The following ZNF429 variants were observed in gnomAD, a reference collection of about 807,000 sequenced individuals.
The protein encoded by ZNF429 is zinc finger protein 429.
ZNF429 carries 53 observed loss-of-function variants against 56.8 expected under a neutral mutation model. The observed-to-expected ratio is 0.93, with a 90% CI of 0.75 to 1.17. The LOEUF (loss-of-function observed/expected upper bound fraction) is 1.17, where lower values mean the gene tolerates loss of function less well. ZNF429 is among the 50% of genes most tolerant of loss of function. The pLI, the probability that ZNF429 is intolerant of heterozygous loss-of-function variation, is 0.00. For synonymous variants in ZNF429, 278 were observed against 264.7 expected (o/e 1.05, Z -0.49); for missense variants, 849 against 788.4 (o/e 1.08, Z -0.92).
chr19:21,515,365 G>A (rs1004533518), intron 1 of ZNF429, among the ~76,000 whole-genome samples: 2 of 150,916 alleles, frequency 1.3e-5, no homozygotes, highest in South Asian at 2.1e-4. Flanking sequence ...CTCATCAAAT[G>A]CTTGTTAGCC....
intron 1 of ZNF429, among the ~76,000 whole-genome samples, chr19:21,515,001 C>T (rs531074013): frequency 4.7e-5 from 7 of 149,204 alleles, no homozygotes; most frequent in South Asian, 2.1e-4. Context: ...AGTGCAGTGG[C>T]GTGATCCCCG....
chr19:21,511,673 G>A (rs964664516), intron 1 of ZNF429, among the ~76,000 whole-genome samples: 1 of 151,652 alleles, frequency 6.6e-6, no homozygotes, highest in South Asian at 2.1e-4. Context: ...CCCAGACGGG[G>A]TGGCGGCCGG....
rs369415854 is a variant in ZNF429, at chr19:21,536,714, A to C, written c.661A>C (p.Arg221=). The change falls in exon 4 of 4, where the codon AGA becomes CGA. Residue 221 remains arginine, a synonymous_variant. Coordinates refer to ENST00000358491, the MANE Select transcript of ZNF429 (RefSeq NM_001001415.4). ...GTCCTCAGCCCTTACTAACCATAAG[A>C]GAATTTATGTTGGTGAGAAACACTA... is the stretch of plus-strand genomic sequence containing the variant. The part of the protein sequence containing the change: ...NQSSALTNHK[R]IYVGEKHYRC... 13 of 1,613,972 alleles carry C rather than the reference A, an allele frequency of 8.1e-6. No homozygotes were observed. The highest frequency in any genetic ancestry group is 1.0e-5 in the Non-Finnish European group (12 of 1,180,022).
intron 1 of ZNF429, among the ~76,000 whole-genome samples, chr19:21,528,668 C>T (rs2033257322): frequency 6.6e-6 from 1 of 151,832 alleles, no homozygotes; most frequent in African/African-American, 2.4e-5. Context: ...TTGTGCCATT[C>T]CACTCCAGCC....
At chr19:21,507,226 A>C (rs2032220860) in intron 1 of ZNF429, among the ~76,000 whole-genome samples, 1 of 152,094 alleles carries the variant, frequency 6.6e-6, no homozygotes, top group African/African-American at 2.4e-5. Context: ...CACGCCCCCC[A>C]TTCCTCCAGC....
intron 1 of ZNF429, among the ~76,000 whole-genome samples, chr19:21,510,157 G>T (rs1187883987): frequency 6.6e-6 from 1 of 152,012 alleles, no homozygotes; most frequent in Admixed American, 6.6e-5. Flanking sequence ...GATGACAAGG[G>T]CTTTCTTTCA....
intron 3 of ZNF429, among the ~76,000 whole-genome samples, chr19:21,534,804 T>C: frequency 1.3e-5 from 2 of 150,418 alleles, no homozygotes; most frequent in Non-Finnish European, 3.0e-5. Flanking sequence ...TTTTTTTTTT[T>C]TGTTCGTTTG....
chr19:21,510,222 G>A (rs187492068), intron 1 of ZNF429, among the ~76,000 whole-genome samples: 3 of 152,192 alleles, frequency 2.0e-5, no homozygotes, highest in East Asian at 3.9e-4. Context: ...GCAAATGGAC[G>A]GTAAAAACAT....
At chr19:21,535,500 T>TTTC in intron 3 of ZNF429, among the ~76,000 whole-genome samples, 1 of 122,514 alleles carries the variant, frequency 8.2e-6, no homozygotes. Context: ...TTCTTTCTTC[T>TTTC]TTCTTTCTTT....
Position 21,537,025 on chromosome 19 carries a change from G to A in ZNF429, c.972G>A (p.Arg324=). The A allele has an allele frequency of 6.2e-7, 1 of 1,612,782 alleles. No homozygotes were observed. The highest frequency in any genetic ancestry group is 8.5e-7 in the Non-Finnish European group (1 of 1,179,748). The change falls in exon 4 of 4, where the codon CGG becomes CGA. Residue 324 remains arginine (R), a synonymous_variant. Coordinates refer to ENST00000358491, the MANE Select transcript of ZNF429 (RefSeq NM_001001415.4). ...KCKECGKAFN[R]SSTLTSHKRI... ...AAGAATGTGGCAAAGCCTTTAACCG[G>A]TCCTCAACCCTTACTAGCCATAAGA...
At position 21,539,528 on chromosome 19, in the gene ZNF429, TCTC is replaced by T. The variant is rs1477014184; in HGVS notation, c.*1453_*1455del. Among the ~76,000 whole-genome samples the T allele has an allele frequency of 6.6e-6, 1 of 152,002 alleles. No individual in the cohort carries two copies. The highest frequency in any genetic ancestry group is 1.5e-5 in the Non-Finnish European group (1 of 67,998). On this transcript the variant is annotated 3_prime_UTR_variant, in exon 4 of 4. Transcript: ENST00000358491. ...ACTTCGACCTTTGGGTTCAAGCAGT[TCTC>T]CTGCCACAGCCTCCTGAGTAGCTGG...
At position 21,535,438 on chromosome 19, in the gene ZNF429, TTC is replaced by T; in HGVS notation, c.227-840_227-839del. Among the ~76,000 whole-genome samples, 52 of 71,604 alleles carry T rather than the reference TTC, an allele frequency of 7.3e-4. 6 individuals carry two copies. Among genetic ancestry groups the T allele is most frequent in the East Asian group, 2.4e-3 (8 of 3,348 alleles). 47.0% of individuals were successfully genotyped at this position (71,604 alleles called of 152,430 possible). A position where few individuals can be genotyped will look rare whatever the true frequency, so the allele number is the denominator to read the frequency against. On this transcript the variant is annotated intron_variant, in intron 3 of 3. Transcript: ENST00000358491. ...TTTCTTTCTTTCTTTCTTTCTTTCT[TTC>T]TTTCTTTCTTTCTTTCTTTCTTTCT...
chr19:21,522,753 C>T (rs192136139), intron 1 of ZNF429, among the ~76,000 whole-genome samples: 95 of 152,136 alleles, frequency 6.2e-4, no homozygotes, highest in African/African-American at 2.2e-3. Context: ...AAAAATTAGC[C>T]GGGCATGATG....
Position 21,535,460 on chromosome 19 carries a change from C to CT in ZNF429, c.227-817dup. Among the ~76,000 whole-genome samples the CT allele has an allele frequency of 7.2e-4, 29 of 40,508 alleles. 2 individuals are homozygous for CT. The highest frequency in any genetic ancestry group is 1.1e-3 in the Admixed American group (4 of 3,542). The allele number at this position is 40,508 out of a possible 152,430, so 26.6% of individuals were successfully genotyped here. Reference sequence around the variant, plus strand: ...TCTTTCTTTCTTTCTTTCTTTCTTTCTTTCTTTCTTTCTTTCTTTCTTTCT... The same window carrying CT: ...TCTTTCTTTCTTTCTTTCTTTCTTTCTTTTCTTTCTTTCTTTCTTTCTTTCT... On this transcript the variant is annotated intron_variant, in intron 3 of 3. Coordinates refer to ENST00000358491, the MANE Select transcript of ZNF429 (RefSeq NM_001001415.4).
Position 21,537,338 on chromosome 19 carries a change from G to T in ZNF429, c.1285G>T (p.Glu429Ter), listed in dbSNP as rs1251326276. 1 of 1,613,900 alleles carries T rather than the reference G, an allele frequency of 6.2e-7. No individual in the cohort carries two copies. Among genetic ancestry groups the T allele is most frequent in the South Asian group, 1.1e-5 (1 of 91,068 alleles). Reference protein sequence around the residue: ...HTGEKPYNCEECGKVFTYSST... With the variant: ...HTGEKPYNCE ...TGGAGAGAAACCCTACAATTGTGAA[G>T]AATGTGGCAAAGTTTTTACCTATTC... is the stretch of plus-strand genomic sequence containing the variant. The change falls in exon 4 of 4, where the codon GAA (glutamate) becomes TAA (stop). Residue 429 changes from glutamate to a stop codon, truncating the protein, a stop_gained. Coordinates refer to ENST00000358491, the MANE Select transcript of ZNF429 (RefSeq NM_001001415.4). LOFTEE classifies it high-confidence loss of function.
intron 1 of ZNF429, among the ~76,000 whole-genome samples, chr19:21,527,865 A>G (rs185949550): frequency 1.7e-4 from 26 of 152,226 alleles, no homozygotes; most frequent in Admixed American, 1.7e-3. Context: ...AGAAGAATAA[A>G]TGGCGATTTT....
chr19:21,536,619 C>T lies in ZNF429; in HGVS notation c.566C>T (p.Thr189Ile), dbSNP rs1249995649. 3 of 1,613,568 alleles carry T rather than the reference C, an allele frequency of 1.9e-6. No individual in the cohort carries two copies. The highest frequency in any genetic ancestry group is 2.5e-6 in the Non-Finnish European group (3 of 1,179,860). ...GKSFCMLSQLTQHKKIHIREN... is the reference protein window; with the variant it reads ...GKSFCMLSQLIQHKKIHIREN... Reference sequence around the variant, plus strand: ...TCATTTTGCATGCTTTCACAACTAACTCAACATAAGAAAATTCATATTAGA... The same window carrying T: ...TCATTTTGCATGCTTTCACAACTAATTCAACATAAGAAAATTCATATTAGA... Residue 189 changes from threonine to isoleucine, a missense_variant, in exon 4 of 4, where the codon ACT becomes ATT. Thr to Ile is a moderately conservative substitution (Grantham distance 89). Transcript: ENST00000358491.
intron 1 of ZNF429, among the ~76,000 whole-genome samples, chr19:21,525,586 G>C (rs1180695797): frequency 1.3e-5 from 2 of 149,916 alleles, no homozygotes; most frequent in Non-Finnish European, 3.0e-5. Context: ...TTCTAGAGCT[G>C]GTGCTCTGAT....
chr19:21,531,650 C>CA, intron 3 of ZNF429, among the ~76,000 whole-genome samples: 1 of 151,854 alleles, frequency 6.6e-6, no homozygotes, highest in Non-Finnish European at 1.5e-5. Flanking sequence ...CTAAAAAATA[C>CA]AAAAATTAGC....
Sources: allele counts gnomAD v4.1 joint callset (sites outside exome capture counted in the v4.1 genomes callset), GRCh38; gene constraint gnomAD v4.1.1; transcripts MANE v1.5; gene names NCBI Gene and HGNC (gene_info 2026-07-23, HGNC 2026-07-21).